NOVA1: variants seen among roughly 807,000 people sequenced by gnomAD.
NOVA1 encodes RNA-binding protein Nova-1.
NOVA1 carries 7 observed loss-of-function variants against 38.0 expected under a neutral mutation model. That is an observed-to-expected ratio of 0.18 (90% CI 0.10 to 0.35). NOVA1 has a LOEUF of 0.35. NOVA1 is among the 10% of genes least tolerant of loss of function. NOVA1 has a pLI of 1.00. For missense variants in NOVA1, 460 were observed against 616.0 expected (o/e 0.75, Z 2.68); for synonymous variants, 270 against 232.5 (o/e 1.16, Z -1.47).
rs1166523921 is a variant in NOVA1 at position 26,598,001 on chromosome 14, T to TGCTGCC, written c.-571_-566dup. Among the ~76,000 whole-genome samples, 1 of 151,282 alleles carries TGCTGCC rather than the reference T, an allele frequency of 6.6e-6. No individual in the cohort carries two copies. The highest frequency in any genetic ancestry group is 2.0e-4 in the East Asian group (1 of 4,994). On this transcript the variant is annotated 5_prime_UTR_variant, in exon 1 of 5. Transcript: ENST00000539517. Reference sequence around the variant, plus strand: ...GCGTTGCGCTCGCTCCCGCTGCTGGTGCTGCCGCCGCCGCCGCTGCCGGAG... The same window carrying TGCTGCC: ...GCGTTGCGCTCGCTCCCGCTGCTGGTGCTGCCGCTGCCGCCGCCGCCGCTGCCGGAG...
chr14:26,491,161 A>G (rs557181899), intron 2 of NOVA1, among the ~76,000 whole-genome samples: 1 of 150,592 alleles, frequency 6.6e-6, no homozygotes, highest in East Asian at 2.0e-4. Context: ...CATCTGGCTA[A>G]TTTTTTTTTA....
chr14:26,514,538 A>T lies in NOVA1; in HGVS notation c.281-34395T>A, dbSNP rs1888320654. On this transcript the variant is annotated intron_variant, in intron 2 of 4. Transcript: ENST00000539517. ...AATAAGACATTACATATTTTTAAGT[A>T]CGTAATGCTTAAGGTTCATTCTTCT... Among the ~76,000 whole-genome samples the T allele has an allele frequency of 2.0e-5, 3 of 151,876 alleles. No individual in the cohort carries two copies. In the South Asian group the frequency reaches 6.2e-4, roughly 31 times the overall value.
intron 2 of NOVA1, among the ~76,000 whole-genome samples, chr14:26,561,712 G>T (rs567279451): frequency 2.6e-5 from 4 of 152,042 alleles, no homozygotes; most frequent in Admixed American, 2.6e-4. Flanking sequence ...TAAATTTCAA[G>T]TATTTGGCTA....
At chr14:26,479,907 A>G in intron 3 of NOVA1, 70 bp downstream of exon 3, 1 of 1,510,066 alleles carries the variant, frequency 6.6e-7, no homozygotes, top group Non-Finnish European at 9.0e-7. Context: ...TAACACTTTA[A>G]GGCTTCTTTT....
At chr14:26,531,840 T>C (rs1218755600) in intron 2 of NOVA1, among the ~76,000 whole-genome samples, 2 of 152,140 alleles carry the variant, frequency 1.3e-5, no homozygotes, top group African/African-American at 4.8e-5. Context: ...AAAGGACTTG[T>C]ATCCTGAATA....
intron 2 of NOVA1, among the ~76,000 whole-genome samples, chr14:26,480,475 T>C (rs1295263127): frequency 2.0e-5 from 3 of 152,004 alleles, no homozygotes. Flanking sequence ...AACATGCCAG[T>C]AAAGATCTAT....
intron 4 of NOVA1, among the ~76,000 whole-genome samples, chr14:26,467,703 A>C (rs1283371540): frequency 6.6e-6 from 1 of 152,198 alleles, no homozygotes; most frequent in Non-Finnish European, 1.5e-5. Flanking sequence ...ACTGAAATGA[A>C]TGGTTTTAGA....
chr14:26,472,678 G>A lies in NOVA1; in HGVS notation c.448-287C>T, dbSNP rs148524925. Among the ~76,000 whole-genome samples, 868 of 151,716 alleles carry A rather than the reference G, an allele frequency of 5.7e-3. 4 individuals are homozygous for A. The highest frequency in any genetic ancestry group is 0.01 in the Non-Finnish European group (706 of 67,932). ...AGTATCCTGACCATATTCATGAATA[G>A]TAGTTTCATTTCTTTCCCTCTTGTT... On this transcript the variant is annotated intron_variant, in intron 3 of 4. Transcript: ENST00000539517.
rs939170102 is a variant in NOVA1, at chr14:26,526,363, T to C, written c.281-46220A>G. On this transcript the variant is annotated intron_variant, in intron 2 of 4. Coordinates refer to ENST00000539517, the MANE Select transcript of NOVA1 (RefSeq NM_002515.3). Reference sequence around the variant, plus strand: ...TTTCCTGAGTATTCAGTCATTCTTATAATTTCAAGGCTGATGTTGCTTGGA... The same window carrying C: ...TTTCCTGAGTATTCAGTCATTCTTACAATTTCAAGGCTGATGTTGCTTGGA... Among the ~76,000 whole-genome samples, 3 of 152,198 alleles carry C rather than the reference T, an allele frequency of 2.0e-5. No individual in the cohort carries two copies. The East Asian group carries it at 5.8e-4, about 29-fold the overall frequency.
At chr14:26,491,137 A>G (rs1886308626) in intron 2 of NOVA1, among the ~76,000 whole-genome samples, 1 of 152,056 alleles carries the variant, frequency 6.6e-6, no homozygotes, top group Non-Finnish European at 1.5e-5. Context: ...GGCGTGAGCC[A>G]CCGTGCCCGG....
chr14:26,546,783 G>C (rs1248314527), intron 2 of NOVA1, among the ~76,000 whole-genome samples: 1 of 152,136 alleles, frequency 6.6e-6, no homozygotes, highest in South Asian at 2.1e-4. Flanking sequence ...ACTTTGGGAG[G>C]CCAAGATGGG....
At chr14:26,555,686 G>A (rs1033369677) in intron 2 of NOVA1, among the ~76,000 whole-genome samples, 2 of 152,062 alleles carry the variant, frequency 1.3e-5, no homozygotes, top group Non-Finnish European at 2.9e-5. Context: ...TTAATTCACT[G>A]TTAGTTAATA....
At chr14:26,494,907 A>G (rs1478654767) in intron 2 of NOVA1, among the ~76,000 whole-genome samples, 1 of 152,206 alleles carries the variant, frequency 6.6e-6, no homozygotes, top group Non-Finnish European at 1.5e-5. Context: ...TTACCTGTTT[A>G]AAAACTTAAC....
intron 4 of NOVA1, among the ~76,000 whole-genome samples, chr14:26,452,254 T>C (rs1461154143): frequency 1.3e-5 from 2 of 152,150 alleles, no homozygotes; most frequent in Non-Finnish European, 2.9e-5. Context: ...TAATCTAATA[T>C]GGGCAGAGAG....
At position 26,446,277 on chromosome 14, in the gene NOVA1, A is replaced by T. The variant is rs1274384790; in HGVS notation, c.*1682T>A. ...ATGTCCAAAAGTAAATTGCACAGTA[A>T]ATCAATATGAAATGAAGAGTCCATA... On this transcript the variant is annotated 3_prime_UTR_variant, in exon 5 of 5. Transcript: ENST00000539517. 3 of 152,630 alleles carry T rather than the reference A, an allele frequency of 2.0e-5. No homozygotes were observed. The highest frequency in any genetic ancestry group is 2.9e-5 in the Non-Finnish European group (2 of 68,042). 9.5% of individuals were successfully genotyped at this position (152,630 alleles called of 1,614,324 possible).
intron 1 of NOVA1, 26 bp from the exon 2 acceptor site, chr14:26,595,579 G>T (rs200041139): frequency 6.2e-7 from 1 of 1,601,462 alleles, no homozygotes; most frequent in Non-Finnish European, 8.5e-7. Flanking sequence ...AAATATACTC[G>T]GTTAACACAG....
At chr14:26,523,801 T>A (rs1016539289) in intron 2 of NOVA1, among the ~76,000 whole-genome samples, 62 of 146,872 alleles carry the variant, frequency 4.2e-4, no homozygotes, top group East Asian at 1.2e-3. Flanking sequence ...CCCAGGCTGG[T>A]GTGCAGTGGC....
At position 26,584,366 on chromosome 14, in the gene NOVA1, G is replaced by A. The variant is rs117462143; in HGVS notation, c.280+11044C>T. Among the ~76,000 whole-genome samples, 329 of 151,312 alleles carry A rather than the reference G, an allele frequency of 2.2e-3. 7 individuals carry two copies. The East Asian group carries it at 0.046, about 21-fold the overall frequency. Reference sequence around the variant, plus strand: ...TTTTGAACAACTGGGCAATCCATCCGCCAGACTATAAGTGTCACTATATTT... The same window carrying A: ...TTTTGAACAACTGGGCAATCCATCCACCAGACTATAAGTGTCACTATATTT... On this transcript the variant is annotated intron_variant, in intron 2 of 4. Transcript: ENST00000539517.
rs76295499 is a variant in NOVA1, at chr14:26,459,533, G to A, written c.520-10570C>T. ...CATTAAGCAAATGACTGTAAAATAT[G>A]CATGACTGTAAATAGTGAGTTGATA... On this transcript the variant is annotated intron_variant, in intron 4 of 4. Coordinates refer to ENST00000539517, the MANE Select transcript of NOVA1 (RefSeq NM_002515.3). Among the ~76,000 whole-genome samples, 80 of 152,116 alleles carry A rather than the reference G, an allele frequency of 5.3e-4. No individual in the cohort carries two copies. In the East Asian group the frequency reaches 0.011, roughly 21 times the overall value.
Sources: gnomAD v4.1 joint callset for allele counts (sites outside exome capture counted in the v4.1 genomes callset) on GRCh38, gnomAD v4.1.1 for gene constraint, MANE v1.5 for transcripts, NCBI Gene and HGNC (gene_info 2026-07-23, HGNC 2026-07-21) for gene names.